The following ODAD2 variants were observed in gnomAD, a reference collection of about 807,000 sequenced individuals.
The protein encoded by ODAD2 is outer dynein arm docking complex subunit 2.
Under a neutral mutation model 106.8 loss-of-function variants are expected in ODAD2, and 89 were observed. That is an observed-to-expected ratio of 0.83 (90% confidence interval 0.70 to 0.99). ODAD2 has a LOEUF of 0.99. Among genes scored for constraint, ODAD2 ranks in the 50% least tolerant of loss-of-function variants. The probability of loss-of-function intolerance (pLI) is 0.00; values close to 1 mark genes in which losing one functional copy is unlikely to be tolerated. For missense variants in ODAD2, 1,168 were observed against 1,238.5 expected, an observed-to-expected ratio of 0.94 and a Z score of 0.85; for synonymous variants, 404 against 436.2, an observed-to-expected ratio of 0.93 and a Z score of 0.92.
At chr10:27,947,858 G>A (rs531319315) in intron 10 of ODAD2, among the ~76,000 whole-genome samples, 2 of 152,254 alleles carry the variant, frequency 1.3e-5, no homozygotes, top group African/African-American at 2.4e-5. Context: ...ATTCTTAATC[G>A]CTCGTGCTGA....
intron 17 of ODAD2, among the ~76,000 whole-genome samples, chr10:27,866,075 A>G (rs1840416606): frequency 6.6e-6 from 1 of 152,212 alleles, no homozygotes; most frequent in Admixed American, 6.5e-5. Flanking sequence ...TATATTTTCA[A>G]TTGTCTTCTA....
At chr10:27,905,654 G>A (rs532804210) in intron 17 of ODAD2, among the ~76,000 whole-genome samples, 1 of 152,114 alleles carries the variant, frequency 6.6e-6, no homozygotes, top group Admixed American at 6.6e-5. Context: ...GCATGGTACT[G>A]GTACCAAAAC....
At chr10:27,868,799 AC>A (rs1304200419) in intron 17 of ODAD2, among the ~76,000 whole-genome samples, 2 of 152,112 alleles carry the variant, frequency 1.3e-5, no homozygotes, top group African/African-American at 4.8e-5. Context: ...TATGTAACAA[AC>A]CTGCACATTC....
intron 2 of ODAD2, among the ~76,000 whole-genome samples, chr10:27,989,049 C>T (rs1227551783): frequency 6.6e-6 from 1 of 152,134 alleles, no homozygotes; most frequent in Non-Finnish European, 1.5e-5. Flanking sequence ...AACATAGGGG[C>T]CTCTAGAAGC....
chr10:27,908,197 G>A (rs768574335), intron 16 of ODAD2, among the ~76,000 whole-genome samples: 6 of 151,972 alleles, frequency 3.9e-5, no homozygotes, highest in African/African-American at 1.2e-4. Flanking sequence ...TTACCTTACC[G>A]TATGACATAT....
intron 16 of ODAD2, among the ~76,000 whole-genome samples, chr10:27,908,766 A>G (rs1843776652): frequency 1.3e-5 from 2 of 151,738 alleles, no homozygotes; most frequent in African/African-American, 4.8e-5. Flanking sequence ...CAGGGGGGAA[A>G]AATGTATTAT....
chr10:27,861,967 G>A (rs552338814), intron 18 of ODAD2, among the ~76,000 whole-genome samples: 1 of 152,190 alleles, frequency 6.6e-6, no homozygotes, highest in East Asian at 1.9e-4. Flanking sequence ...GTCTCTCAAG[G>A]CTGCTTATTC....
At chr10:27,991,575 A>G (rs890356353) in intron 2 of ODAD2, among the ~76,000 whole-genome samples, 2 of 152,220 alleles carry the variant, frequency 1.3e-5, no homozygotes, top group Non-Finnish European at 2.9e-5. Context: ...AAAGCCACAA[A>G]TATAAATATA....
intron 8 of ODAD2, 67 bp downstream of exon 8, chr10:27,971,041 C>A (rs1848822608): frequency 2.7e-6 from 2 of 733,992 alleles, no homozygotes; most frequent in Non-Finnish European, 4.3e-6. Context: ...AAATAAAGTT[C>A]TGTGAAAAAT....
chr10:27,952,548 C>T (rs1269667959), intron 10 of ODAD2, among the ~76,000 whole-genome samples: 1 of 152,114 alleles, frequency 6.6e-6, no homozygotes, highest in African/African-American at 2.4e-5. Flanking sequence ...AATGCTTGCC[C>T]ATCCCCTTTC....
intron 19 of ODAD2, among the ~76,000 whole-genome samples, chr10:27,849,284 C>T (rs943046201): frequency 6.6e-6 from 1 of 151,890 alleles, no homozygotes; most frequent in Non-Finnish European, 1.5e-5. Context: ...CCATCATTCT[C>T]AGCAAACTAA....
At chr10:27,840,606 T>C (rs1463070347) in intron 19 of ODAD2, among the ~76,000 whole-genome samples, 1 of 151,908 alleles carries the variant, frequency 6.6e-6, no homozygotes, top group East Asian at 1.9e-4. Context: ...GTGGAGAAAA[T>C]ATGTGGCCTC....
At chr10:27,903,705 A>G (rs1159626456) in intron 17 of ODAD2, among the ~76,000 whole-genome samples, 1 of 152,126 alleles carries the variant, frequency 6.6e-6, no homozygotes, top group Non-Finnish European at 1.5e-5. Flanking sequence ...CACAATTGCT[A>G]CAAAGAGAAT....
At chr10:27,985,948 C>T (rs911997954) in intron 3 of ODAD2, among the ~76,000 whole-genome samples, 1 of 151,852 alleles carries the variant, frequency 6.6e-6, no homozygotes, top group South Asian at 2.1e-4. Context: ...AAGTGGAAAA[C>T]CCTTGTTTAG....
At chr10:27,915,943 T>C (rs1844339099) in intron 16 of ODAD2, among the ~76,000 whole-genome samples, 3 of 152,158 alleles carry the variant, frequency 2.0e-5, no homozygotes, top group Non-Finnish European at 4.4e-5. Flanking sequence ...ACAAGGTTGT[T>C]TTAATGGTCC....
rs756334233 is a variant in ODAD2, at chr10:27,944,352, G to C, written c.1613C>G (p.Pro538Arg). The C allele has an allele frequency of 1.9e-6, 3 of 1,613,894 alleles. No homozygotes were observed. Among genetic ancestry groups the C allele is most frequent in the South Asian group, 2.2e-5 (2 of 91,064 alleles). The change falls in exon 12 of 20, where the codon CCA (proline) becomes CGA (arginine). Residue 538 changes from proline to arginine, a missense_variant. By Grantham distance (103) the Pro-to-Arg change is moderately radical. Transcript: ENST00000305242. ...RQNIVDLGGL[P>R]IMVNILDSPH... ...AGAATCAAGTATATTCACCATAATT[G>C]GTAAGCCCCCAAGGTCAACAATATT...
Position 27,996,510 on chromosome 10 carries a change from A to G in ODAD2, c.-38-1330T>C, listed in dbSNP as rs1389180530. On this transcript the variant is annotated intron_variant, in intron 1 of 19. Coordinates refer to ENST00000305242, the MANE Select transcript of ODAD2 (RefSeq NM_018076.5). ...ACCGACAATGTAAAATATCCTGTGC[A>G]GGATAGTACCTCAGAAGGAAGAATT... Among the ~76,000 whole-genome samples, 3 of 152,192 alleles carry G rather than the reference A, an allele frequency of 2.0e-5. No individual in the cohort carries two copies. In the East Asian group the frequency reaches 5.8e-4, roughly 29 times the overall value.
intron 16 of ODAD2, 109 bp from the exon 17 acceptor site, chr10:27,907,886 GA>G: frequency 1.4e-6 from 1 of 718,138 alleles, no homozygotes; most frequent in Non-Finnish European, 2.2e-6. Context: ...ATTTTGCTTA[GA>G]ATTTTTTTTT....
intron 17 of ODAD2, among the ~76,000 whole-genome samples, chr10:27,898,757 GAATACATTGCCAA>G (rs1303014712): frequency 5.9e-5 from 9 of 151,928 alleles, no homozygotes; most frequent in African/African-American, 2.2e-4. Context: ...TGATATTGAC[GAATACATTGCCAA>G]AATACATTGA....
Sources: gnomAD v4.1 joint callset for allele counts (sites outside exome capture counted in the v4.1 genomes callset) on GRCh38, gnomAD v4.1.1 for gene constraint, MANE v1.5 for transcripts, NCBI Gene and HGNC (gene_info 2026-07-23, HGNC 2026-07-21) for gene names.